The following SLC25A33 variants were observed in gnomAD, a reference collection of about 807,000 sequenced individuals.
SLC25A33 encodes the protein bone marrow stromal cell mitochondrial carrier protein.
A neutral mutation model predicts 35.5 loss-of-function variants in SLC25A33; 15 were observed. The observed-to-expected ratio is 0.42, with a 90% CI of 0.28 to 0.65. The LOEUF (loss-of-function observed/expected upper bound fraction) is 0.65, where lower values mean the gene tolerates loss of function less well. Ranked by LOEUF, SLC25A33 falls within the 30% of genes least tolerant of loss-of-function variation. The probability of loss-of-function intolerance (pLI) is 0.20; values close to 1 mark genes in which losing one functional copy is unlikely to be tolerated. For missense variants in SLC25A33, 257 were observed against 398.5 expected, an observed-to-expected ratio of 0.64 and a Z score of 3.02; for synonymous variants, 136 against 148.7, an observed-to-expected ratio of 0.91 and a Z score of 0.62.
At chr1:9,580,371 C>G (rs1643725040) in intron 6 of SLC25A33, 137 bp downstream of exon 6, 3 of 1,122,062 alleles carry the variant, frequency 2.7e-6, no homozygotes, top group Non-Finnish European at 3.8e-6. Flanking sequence ...AGGGAAACAG[C>G]TCTAACCGCA....
chr1:9,577,001 C>T lies in SLC25A33; in HGVS notation c.483-2953C>T, dbSNP rs1643669352. ...TGATGAATAAGATCTAAGAGTTGTC[C>T]CGCTACAGAAACAACATGCTGGATG... On this transcript the variant is annotated intron_variant, in intron 5 of 6. Coordinates refer to ENST00000302692, the MANE Select transcript of SLC25A33 (RefSeq NM_032315.3). 5.6e-6 allele frequency: 6 copies of T among 1,065,942 alleles called. No homozygotes were observed. In the South Asian group the frequency reaches 7.6e-5, roughly 13 times the overall value. 66.0% of individuals were successfully genotyped at this position (1,065,942 alleles called of 1,614,324 possible).
chr1:9,544,459 A>C (rs1043593633), intron 1 of SLC25A33, among the ~76,000 whole-genome samples: 4 of 151,750 alleles, frequency 2.6e-5, no homozygotes, highest in African/African-American at 4.8e-5. Flanking sequence ...AGTAGAGACC[A>C]GGTTTCACCA....
chr1:9,546,332 C>A (rs1569841814), intron 1 of SLC25A33, among the ~76,000 whole-genome samples: 1 of 151,654 alleles, frequency 6.6e-6, no homozygotes, highest in East Asian at 1.9e-4. Flanking sequence ...CTATAGGCAC[C>A]CGCCACCACA....
In SLC25A33 at chr1:9,539,482, G is replaced by C. The variant is rs1643039230; in HGVS notation, c.-210G>C. ...CGGGCTCTAGCTCCCCGCCGGGCTC[G>C]CGCCGCAGAGGCCGGTGAGGCGCCG... On this transcript the variant is annotated 5_prime_UTR_variant, in exon 1 of 7. Coordinates refer to ENST00000302692, the MANE Select transcript of SLC25A33 (RefSeq NM_032315.3). 1 of 195,594 alleles carries C rather than the reference G, an allele frequency of 5.1e-6. No individual in the cohort carries two copies. The highest frequency in any genetic ancestry group is 1.0e-5 in the Non-Finnish European group (1 of 99,312). The allele number at this position is 195,594 out of a possible 1,614,324, so 12.1% of individuals were successfully genotyped here. A position where few individuals can be genotyped will look rare whatever the true frequency, so the allele number is the denominator to read the frequency against.
chr1:9,561,611 GTTA>G (rs1448450072), intron 2 of SLC25A33, among the ~76,000 whole-genome samples: 5 of 152,088 alleles, frequency 3.3e-5, no homozygotes, highest in African/African-American at 9.7e-5. Context: ...TTTGCCAACT[GTTA>G]TTATGTGTAA....
intron 1 of SLC25A33, among the ~76,000 whole-genome samples, chr1:9,546,221 G>A (rs1349121444): frequency 9.1e-6 from 1 of 110,478 alleles, no homozygotes; most frequent in Non-Finnish European, 1.7e-5. Context: ...GTCTCGCTCT[G>A]TCGCCCAGGC....
In SLC25A33 at chr1:9,567,151, C is replaced by G. The variant is rs545038036; in HGVS notation, c.237-133C>G. The G allele has an allele frequency of 1.2e-5, 9 of 734,682 alleles. No individual in the cohort carries two copies. In the East Asian group the frequency reaches 2.2e-4, roughly 18 times the overall value. The allele number at this position is 734,682 out of a possible 1,614,324, so 45.5% of individuals were successfully genotyped here. A position where few individuals can be genotyped will look rare whatever the true frequency, so the allele number is the denominator to read the frequency against. On this transcript the variant is annotated intron_variant, in intron 2 of 6. Coordinates refer to ENST00000302692, the MANE Select transcript of SLC25A33 (RefSeq NM_032315.3). ...TTCCGATTCTGTATTGTAACCAAAT[C>G]AGATAAGAGTCGAGCTTGACATCTC... is the stretch of plus-strand genomic sequence containing the variant.
intron 5 of SLC25A33, among the ~76,000 whole-genome samples, chr1:9,577,388 G>A (rs1040058026): frequency 6.6e-6 from 1 of 151,684 alleles, no homozygotes; most frequent in Non-Finnish European, 1.5e-5. Flanking sequence ...GCTGAAGCAG[G>A]AGAATTGCTT....
At chr1:9,541,066 C>T (rs1418170743) in intron 1 of SLC25A33, among the ~76,000 whole-genome samples, 1 of 152,034 alleles carries the variant, frequency 6.6e-6, no homozygotes, top group Non-Finnish European at 1.5e-5. Flanking sequence ...ACTGCAACTT[C>T]CGCCTCCCGG....
At chr1:9,541,183 T>A in intron 1 of SLC25A33, among the ~76,000 whole-genome samples, 2 of 150,678 alleles carry the variant, frequency 1.3e-5, no homozygotes, top group African/African-American at 2.4e-5. Context: ...AGACGGAGTT[T>A]CGCTCTGTAG....
At chr1:9,545,205 G>GT (rs905579364) in intron 1 of SLC25A33, among the ~76,000 whole-genome samples, 4 of 151,670 alleles carry the variant, frequency 2.6e-5, no homozygotes, top group South Asian at 4.2e-4. Context: ...GTTTTTGGTG[G>GT]TTTTTTTTGT....
At chr1:9,580,880 T>A (rs1316098900) in intron 6 of SLC25A33, among the ~76,000 whole-genome samples, 9 of 148,122 alleles carry the variant, frequency 6.1e-5, no homozygotes, top group East Asian at 1.9e-4. Flanking sequence ...ATAATAATAA[T>A]AATAATAATA....
intron 1 of SLC25A33, among the ~76,000 whole-genome samples, chr1:9,553,202 T>TG (rs1643291300): frequency 2.4e-5 from 3 of 126,810 alleles, no homozygotes; most frequent in East Asian, 2.2e-4. Flanking sequence ...GTTCTAGTTT[T>TG]GTTTTTTTTT....
rs755690700 is a variant in SLC25A33, at chr1:9,567,385, G to A, written c.314+24G>A. 4 of 1,606,670 alleles carry A rather than the reference G, an allele frequency of 2.5e-6. No homozygotes were observed. The African/African-American group carries it at 4.0e-5, about 16-fold the overall frequency. ...AGGTAAGCATTAAACTTTCCAGCTA[G>A]CTCATGCTAAGCAGTATGGAATTCT... On this transcript the variant is annotated intron_variant, in intron 3 of 6. Coordinates refer to ENST00000302692, the MANE Select transcript of SLC25A33 (RefSeq NM_032315.3).
rs774809332 is a variant in SLC25A33, at chr1:9,582,408, G to T, written c.873G>T (p.Leu291=). Residue 291 remains leucine (L), a synonymous_variant, in exon 7 of 7, where the codon CTG becomes CTT. Coordinates refer to ENST00000302692, the MANE Select transcript of SLC25A33 (RefSeq NM_032315.3). The surrounding 1 kb of genome is among the most constrained non-coding windows in gnomAD (Gnocchi z 4.0). ...GCTACCTTGCCTTTTATAGAGGACT[G>T]TTTGCCCAGCTTATCCGGCAGATCC... ...EEGYLAFYRG[L]FAQLIRQIPN... The T allele has an allele frequency of 1.6e-5, 26 of 1,613,982 alleles. No individual in the cohort carries two copies. The highest frequency in any genetic ancestry group is 2.2e-5 in the Non-Finnish European group (26 of 1,179,868).
rs1643766346 is a variant in SLC25A33 at position 9,583,075 on chromosome 1, AT to A, written c.*576del. The A allele has an allele frequency of 6.6e-6, 1 of 152,268 alleles. No individual in the cohort carries two copies. Among genetic ancestry groups the A allele is most frequent in the Non-Finnish European group, 1.5e-5 (1 of 68,122 alleles). The allele number at this position is 152,268 out of a possible 1,614,324, so 9.4% of individuals were successfully genotyped here. A position where few individuals can be genotyped will look rare whatever the true frequency, so the allele number is the denominator to read the frequency against. On this transcript the variant is annotated 3_prime_UTR_variant, in exon 7 of 7. Coordinates refer to ENST00000302692, the MANE Select transcript of SLC25A33 (RefSeq NM_032315.3). ...CCCTGTCTCTACTAAAAATACAAAA[AT>A]TAGCCGGACGTGTGCCTGTAATCCC...
chr1:9,577,892 A>T (rs1643684832), intron 5 of SLC25A33, among the ~76,000 whole-genome samples: 1 of 152,068 alleles, frequency 6.6e-6, no homozygotes, highest in Non-Finnish European at 1.5e-5. Flanking sequence ...TTTAGCCCCA[A>T]ATGTGAATAG....
rs554744068 is a variant in SLC25A33 at position 9,578,001 on chromosome 1, C to T, written c.483-1953C>T. 2.6e-5 allele frequency among the ~76,000 whole-genome samples: 4 copies of T among 152,088 alleles called. No individual in the cohort carries two copies. The highest frequency in any genetic ancestry group is 1.9e-4 in the East Asian group (1 of 5,186). Reference sequence around the variant, plus strand: ...TGCAGTGGTGCATCTCAGCTCACTGCGAGCTCCGCCTCCCGGGTGCACGCC... The same window carrying T: ...TGCAGTGGTGCATCTCAGCTCACTGTGAGCTCCGCCTCCCGGGTGCACGCC... On this transcript the variant is annotated intron_variant, in intron 5 of 6. Transcript: ENST00000302692. This position sits in a 1 kb window ranked among gnomAD's most constrained non-coding sequence, Gnocchi z 4.3.
intron 3 of SLC25A33, among the ~76,000 whole-genome samples, chr1:9,569,579 C>T (rs1275841728): frequency 1.3e-5 from 2 of 152,020 alleles, no homozygotes; most frequent in Non-Finnish European, 2.9e-5. Context: ...AGATCCTAAA[C>T]TGCAAAATAT....
Sources: gnomAD v4.1 joint callset for allele counts (sites outside exome capture counted in the v4.1 genomes callset) on GRCh38, gnomAD v4.1.1 for gene constraint, Gnocchi (gnomAD v3.1) non-coding constraint, MANE v1.5 for transcripts, NCBI Gene and HGNC (gene_info 2026-07-23, HGNC 2026-07-21) for gene names.